The following PRKCI variants were observed in gnomAD, a reference collection of about 807,000 sequenced individuals.
PRKCI encodes the protein protein kinase C iota.
A neutral mutation model predicts 84.0 loss-of-function variants in PRKCI; 43 were observed. The ratio of observed to expected loss-of-function variants is 0.51; its 90% CI spans 0.40 to 0.66. The LOEUF (loss-of-function observed/expected upper bound fraction) is 0.66, where lower values mean the gene tolerates loss of function less well. Ranked by LOEUF, PRKCI falls within the 30% of genes least tolerant of loss-of-function variation. The pLI is 0.00. For synonymous variants in PRKCI, 216 were observed against 234.4 expected (o/e 0.92, Z 0.72); for missense variants, 459 against 745.6 (o/e 0.62, Z 4.48).
intron 4 of PRKCI, among the ~76,000 whole-genome samples, chr3:170,267,547 T>C (rs1733891647): frequency 6.6e-6 from 1 of 151,648 alleles, no homozygotes; most frequent in South Asian, 2.1e-4. Flanking sequence ...GTGGTGCATC[T>C]CTGTAATCTC....
intron 1 of PRKCI, among the ~76,000 whole-genome samples, chr3:170,230,243 G>A (rs901513217): frequency 2.1e-5 from 3 of 146,232 alleles, no homozygotes; most frequent in Non-Finnish European, 4.4e-5. Flanking sequence ...TCGTCTTACT[G>A]CAACCTTTGC....
chr3:170,275,394 G>A (rs2108856178), intron 8 of PRKCI, 107 bp downstream of exon 8: 2 of 1,006,084 alleles, frequency 2.0e-6, no homozygotes, highest in East Asian at 2.9e-5. Context: ...TCATAATGGT[G>A]AAATGCAAAA....
intron 12 of PRKCI, 33 bp from the exon 13 acceptor site, chr3:170,291,821 C>G: frequency 6.6e-7 from 1 of 1,516,936 alleles, no homozygotes; most frequent in Non-Finnish European, 9.2e-7. Flanking sequence ...AACTTTTTAT[C>G]TCATTCTTTC....
chr3:170,293,943 G>A (rs921341154), intron 14 of PRKCI, among the ~76,000 whole-genome samples: 1 of 152,076 alleles, frequency 6.6e-6, no homozygotes, highest in Admixed American at 6.6e-5. Flanking sequence ...AGCCTCCCCA[G>A]CATGCTGAGA....
intron 6 of PRKCI, among the ~76,000 whole-genome samples, chr3:170,271,391 C>CT (rs1186767545): frequency 2.0e-5 from 3 of 152,118 alleles, no homozygotes; most frequent in South Asian, 4.1e-4. Flanking sequence ...AAGAGAAGGA[C>CT]TTTTTTAAAA....
At position 170,304,991 on chromosome 3, in the gene PRKCI, CTG is replaced by C. The variant is rs1734920623; in HGVS notation, c.*1865_*1866del. Reference sequence around the variant, plus strand: ...TCTCTTTCCTTCAAATAACATAAGTCTGAAAGCAATGAAAACGTCAAAGGAAA... The same window carrying C: ...TCTCTTTCCTTCAAATAACATAAGTCAAAGCAATGAAAACGTCAAAGGAAA... On this transcript the variant is annotated 3_prime_UTR_variant, in exon 18 of 18. Coordinates refer to ENST00000295797, the MANE Select transcript of PRKCI (RefSeq NM_002740.6). The C allele has an allele frequency of 6.6e-6, 1 of 152,038 alleles. No individual in the cohort carries two copies. The highest frequency in any genetic ancestry group is 1.5e-5 in the Non-Finnish European group (1 of 68,014). 9.4% of individuals were successfully genotyped at this position (152,038 alleles called of 1,614,324 possible). A position where few individuals can be genotyped will look rare whatever the true frequency, so the allele number is the denominator to read the frequency against.
intron 12 of PRKCI, among the ~76,000 whole-genome samples, chr3:170,290,235 A>G (rs1167950791): frequency 1.3e-5 from 2 of 152,190 alleles, no homozygotes; most frequent in African/African-American, 2.4e-5. Flanking sequence ...TGTGTAGGAA[A>G]TGCTTACAAA....
chr3:170,227,724 C>A (rs1283131316), intron 1 of PRKCI, among the ~76,000 whole-genome samples: 4 of 152,032 alleles, frequency 2.6e-5, no homozygotes, highest in African/African-American at 7.2e-5. Context: ...TTGTAAAGAC[C>A]CTTGAATGTC....
chr3:170,233,968 ACCT>A (rs1403529390), intron 1 of PRKCI, among the ~76,000 whole-genome samples: 1 of 146,662 alleles, frequency 6.8e-6, no homozygotes, highest in African/African-American at 2.5e-5. Context: ...TGATCCGCCC[ACCT>A]CAGCCTCCCA....
chr3:170,247,959 G>A (rs1733332673), intron 2 of PRKCI, among the ~76,000 whole-genome samples: 1 of 152,252 alleles, frequency 6.6e-6, no homozygotes, highest in African/African-American at 2.4e-5. Flanking sequence ...ACCCTTTACA[G>A]TAAGGGAGTA....
intron 4 of PRKCI, among the ~76,000 whole-genome samples, chr3:170,265,170 C>A (rs1431208397): frequency 1.3e-5 from 2 of 149,988 alleles, no homozygotes; most frequent in Non-Finnish European, 3.0e-5. Context: ...ATCTGGACAA[C>A]AGAGCGAGAC....
In PRKCI at chr3:170,293,487, A is replaced by G; in HGVS notation, c.1396A>G (p.Thr466Ala). Residue 466 changes from threonine to alanine, a missense_variant, in exon 14 of 18, where the codon ACA becomes GCA. Transcript: ENST00000295797. ...VGSSDNPDQN[T>A]EDYLFQVILE... ...GAGCTCCGATAACCCTGACCAGAACACAGAGGATTATCTCTTCCAAGGTAA... is the reference window on the plus strand; with the variant it reads ...GAGCTCCGATAACCCTGACCAGAACGCAGAGGATTATCTCTTCCAAGGTAA... The G allele has an allele frequency of 6.2e-7, 1 of 1,613,714 alleles. No homozygotes were observed. Among genetic ancestry groups the G allele is most frequent in the South Asian group, 1.1e-5 (1 of 90,988 alleles).
At chr3:170,244,384 A>C (rs1227462915) in intron 2 of PRKCI, among the ~76,000 whole-genome samples, 1 of 152,122 alleles carries the variant, frequency 6.6e-6, no homozygotes, top group Non-Finnish European at 1.5e-5. Flanking sequence ...TAAGAACTCA[A>C]AATGTAGGGG....
rs199997573 is a variant in PRKCI at position 170,280,227 on chromosome 3, G to T, written c.706G>T (p.Ala236Ser). Reference protein sequence around the residue: ...SLDQVGEEKEAMNTRESGKAS... With the variant: ...SLDQVGEEKESMNTRESGKAS... The stretch of plus-strand genomic sequence containing the variant: ...ACTCTGATACAAATGTTCTCAACAG[G>T]CAATGAACACCAGGGAAAGTGGCAA... Residue 236 changes from alanine to serine, a missense_variant and splice_region_variant, in exon 9 of 18, where the codon GCA becomes TCA. This residue lies in a region of PRKCI where 250 missense variants were observed against 319.7 expected (regional missense o/e 0.78). Transcript: ENST00000295797. The T allele has an allele frequency of 6.3e-5, 101 of 1,608,892 alleles. No homozygotes were observed. Among genetic ancestry groups the T allele is most frequent in the Non-Finnish European group, 7.4e-5 (87 of 1,178,760 alleles).
At chr3:170,273,483 C>T in intron 7 of PRKCI, 143 bp downstream of exon 7, 1 of 790,382 alleles carries the variant, frequency 1.3e-6, no homozygotes. Flanking sequence ...GTGGTGAAAT[C>T]AGTCACACTA....
intron 10 of PRKCI, 178 bp downstream of exon 10, chr3:170,281,441 GCAT>G: frequency 1.8e-6 from 1 of 562,554 alleles, no homozygotes; most frequent in Non-Finnish European, 3.1e-6. Flanking sequence ...TATTAGATCA[GCAT>G]TAGGAAATGA....
At chr3:170,265,175 C>T (rs552872306) in intron 4 of PRKCI, among the ~76,000 whole-genome samples, 12 of 150,198 alleles carry the variant, frequency 8.0e-5, no homozygotes, top group African/African-American at 1.5e-4. Context: ...GACAACAGAG[C>T]GAGACTCTGT....
In PRKCI at chr3:170,222,604, C is replaced by G; in HGVS notation, c.-66C>G. Reference sequence around the variant, plus strand: ...TCCGGCAAGCGCAGGCGGCGGAGTCCCCCACGGCGCCCGAAGCGCCCCCCC... The same window carrying G: ...TCCGGCAAGCGCAGGCGGCGGAGTCGCCCACGGCGCCCGAAGCGCCCCCCC... On this transcript the variant is annotated 5_prime_UTR_variant, in exon 1 of 18. Transcript: ENST00000295797. The G allele has an allele frequency of 7.2e-7, 1 of 1,383,926 alleles. No individual in the cohort carries two copies. The highest frequency in any genetic ancestry group is 9.8e-7 in the Non-Finnish European group (1 of 1,024,156). The allele number at this position is 1,383,926 out of a possible 1,614,324, so 85.7% of individuals were successfully genotyped here.
intron 1 of PRKCI, among the ~76,000 whole-genome samples, chr3:170,231,634 T>G (rs557942802): frequency 3.1e-4 from 47 of 152,020 alleles, no homozygotes; most frequent in African/African-American, 1.1e-3. Context: ...CTGGCTAATT[T>G]TTGTAGTTTT....
Sources: allele counts gnomAD v4.1 joint callset (sites outside exome capture counted in the v4.1 genomes callset), GRCh38; gene constraint gnomAD v4.1.1; regional missense constraint gnomAD v4.1.1; transcripts MANE v1.5; gene names NCBI Gene and HGNC (gene_info 2026-07-23, HGNC 2026-07-21).